The following ZBTB44 variants were observed in gnomAD, a reference collection of about 807,000 sequenced individuals.
ZBTB44 encodes the protein zinc finger and BTB domain containing 44, also known as zinc finger and BTB domain-containing protein 44.
Under a neutral mutation model 54.0 loss-of-function variants are expected in ZBTB44, and 15 were observed. The ratio of observed to expected loss-of-function variants is 0.28; its 90% confidence interval spans 0.19 to 0.43. The LOEUF (loss-of-function observed/expected upper bound fraction) is 0.43. Among genes scored for constraint, ZBTB44 ranks in the 20% least tolerant of loss-of-function variants. ZBTB44 has a pLI of 1.00. For missense variants in ZBTB44, 487 were observed against 707.1 expected (o/e 0.69, Z 3.53); for synonymous variants, 230 against 250.1 (o/e 0.92, Z 0.76).
chr11:130,250,933 G>GA (rs769455951), intron 2 of ZBTB44, among the ~76,000 whole-genome samples: 1 of 152,204 alleles, frequency 6.6e-6, no homozygotes, highest in Non-Finnish European at 1.5e-5. Flanking sequence ...ACTGGACAGA[G>GA]AATGAATTTG....
At chr11:130,280,174 T>C (rs893148422) in intron 1 of ZBTB44, among the ~76,000 whole-genome samples, 4 of 152,100 alleles carry the variant, frequency 2.6e-5, no homozygotes, top group African/African-American at 7.2e-5. Context: ...AGCCTCTACC[T>C]CTAAAGTGCA....
chr11:130,301,453 AGACCAGCCTG>A (rs1299873752), intron 1 of ZBTB44, among the ~76,000 whole-genome samples: 6 of 152,180 alleles, frequency 3.9e-5, no homozygotes, highest in Admixed American at 6.5e-5. Flanking sequence ...TAAGAGTTCA[AGACCAGCCTG>A]GGCAACATGG....
intron 1 of ZBTB44, among the ~76,000 whole-genome samples, chr11:130,278,849 C>CT (rs1940299360): frequency 6.6e-6 from 1 of 152,010 alleles, no homozygotes; most frequent in Non-Finnish European, 1.5e-5. Context: ...CCTCTTTATG[C>CT]TTTTTCTCTA....
At chr11:130,273,233 A>G (rs1373791496) in intron 1 of ZBTB44, among the ~76,000 whole-genome samples, 1 of 151,878 alleles carries the variant, frequency 6.6e-6, no homozygotes, top group Non-Finnish European at 1.5e-5. Context: ...GCCATGTTGT[A>G]AGTTTTCAGA....
At chr11:130,299,678 G>A (rs1158420272) in intron 1 of ZBTB44, among the ~76,000 whole-genome samples, 6 of 151,634 alleles carry the variant, frequency 4.0e-5, no homozygotes, top group African/African-American at 1.5e-4. Context: ...CAAGGATGTG[G>A]AGAAATTAAA....
Position 130,236,511 on chromosome 11 carries a change from A to G in ZBTB44, c.1568+282T>C, listed in dbSNP as rs554533588. On this transcript the variant is annotated intron_variant, in intron 5 of 7. Transcript: ENST00000357899. ...TTTAAGGTCCATTACAGAATTACTT[A>G]AACCTTGTATTATTTAAAAAATATC... The G allele has an allele frequency of 1.3e-5, 4 of 301,440 alleles. No homozygotes were observed. In the South Asian group the frequency reaches 4.2e-4, roughly 32 times the overall value. 18.7% of individuals were successfully genotyped at this position (301,440 alleles called of 1,614,324 possible).
At chr11:130,308,258 C>T (rs1473683577) in intron 1 of ZBTB44, among the ~76,000 whole-genome samples, 6 of 152,192 alleles carry the variant, frequency 3.9e-5, no homozygotes, top group South Asian at 4.1e-4. Flanking sequence ...AATCGCCTAA[C>T]GACGCATTTC....
At chr11:130,314,256 T>C in intron 1 of ZBTB44, 119 bp downstream of exon 1, 1 of 152,472 alleles carries the variant, frequency 6.6e-6, no homozygotes, top group Non-Finnish European at 1.5e-5. Context: ...CGGACTAGGC[T>C]GACAGACCCG....
chr11:130,252,388 A>G (rs1480690827), intron 2 of ZBTB44, among the ~76,000 whole-genome samples: 1 of 152,198 alleles, frequency 6.6e-6, no homozygotes, highest in East Asian at 1.9e-4. Context: ...ATTAACAAAG[A>G]TATTCAGGAC....
At chr11:130,273,139 C>T (rs1939797963) in intron 1 of ZBTB44, among the ~76,000 whole-genome samples, 1 of 152,064 alleles carries the variant, frequency 6.6e-6, no homozygotes, top group Non-Finnish European at 1.5e-5. Context: ...TTGGAGAATA[C>T]TGCTATCTTT....
At chr11:130,237,914 C>T (rs1013475774) in intron 4 of ZBTB44, among the ~76,000 whole-genome samples, 1 of 152,278 alleles carries the variant, frequency 6.6e-6, no homozygotes, top group Non-Finnish European at 1.5e-5. Context: ...TTCAAATCCC[C>T]TCTATACATT....
At chr11:130,289,799 T>A (rs942637387) in intron 1 of ZBTB44, among the ~76,000 whole-genome samples, 23 of 152,194 alleles carry the variant, frequency 1.5e-4, no homozygotes, top group African/African-American at 4.6e-4. Context: ...TTTAAATAAA[T>A]GTCCGTATTG....
At position 130,230,905 on chromosome 11, in the gene ZBTB44, T is replaced by C. The variant is rs1182664823; in HGVS notation, c.*859A>G. On this transcript the variant is annotated 3_prime_UTR_variant, in exon 8 of 8. Transcript: ENST00000357899. ...ACTTCTAAAGTACATCACACCTATT[T>C]GGTAGTTAAAAAACTGAAAATAAAA... The C allele has an allele frequency of 1.3e-5, 2 of 152,264 alleles. No homozygotes were observed. Among genetic ancestry groups the C allele is most frequent in the East Asian group, 3.9e-4 (2 of 5,190 alleles). The allele number at this position is 152,264 out of a possible 1,614,324, so 9.4% of individuals were successfully genotyped here.
chr11:130,312,006 T>C (rs1942637207), intron 1 of ZBTB44, among the ~76,000 whole-genome samples: 1 of 152,228 alleles, frequency 6.6e-6, no homozygotes, highest in African/African-American at 2.4e-5. Flanking sequence ...TGAAGTGGTA[T>C]CATTCACCCC....
At chr11:130,276,224 C>T (rs576259384) in intron 1 of ZBTB44, among the ~76,000 whole-genome samples, 55 of 1,326 alleles carry the variant, frequency 0.041, no homozygotes, top group African/African-American at 0.059. Context: ...GAACGTGAAA[C>T]TCTGTCTCAA....
chr11:130,308,770 A>G (rs907922401), intron 1 of ZBTB44, among the ~76,000 whole-genome samples: 3 of 152,186 alleles, frequency 2.0e-5, no homozygotes, highest in African/African-American at 7.2e-5. Context: ...TACTGAGATT[A>G]AAGACAGAAT....
chr11:130,276,242 A>AAAAG (rs1555171840), intron 1 of ZBTB44, among the ~76,000 whole-genome samples: 2 of 94,420 alleles, frequency 2.1e-5, no homozygotes, highest in East Asian at 3.1e-4. Context: ...CAAAAAAAAA[A>AAAAG]AAAAGAAAAA....
intron 1 of ZBTB44, among the ~76,000 whole-genome samples, chr11:130,275,039 G>C (rs1939956981): frequency 6.6e-6 from 1 of 152,168 alleles, no homozygotes; most frequent in Non-Finnish European, 1.5e-5. Context: ...ACTTGATATA[G>C]ATCTATTCAG....
rs1592059545 is a variant in ZBTB44, at chr11:130,296,633, T to C, written c.-57+17742A>G. On this transcript the variant is annotated intron_variant, in intron 1 of 7. Transcript: ENST00000357899. ...TGGGAGAAGACATGCCTTGCCCATT[T>C]TGGGCCCAGAATAATTGGGTTTTCT... The C allele has an allele frequency of 6.6e-6, 6 of 908,088 alleles. No homozygotes were observed. The East Asian group carries it at 9.8e-5, about 15-fold the overall frequency. 56.3% of individuals were successfully genotyped at this position (908,088 alleles called of 1,614,324 possible).
Sources: gnomAD v4.1 joint callset for allele counts (sites outside exome capture counted in the v4.1 genomes callset) on GRCh38, gnomAD v4.1.1 for gene constraint, MANE v1.5 for transcripts, NCBI Gene and HGNC (gene_info 2026-07-23, HGNC 2026-07-21) for gene names.